Variants in FLNB observed in about 807,000 individuals in gnomAD.
The protein encoded by FLNB is filamin-B.
Under a neutral mutation model 250.6 loss-of-function variants are expected in FLNB, and 111 were observed. The observed-to-expected ratio is 0.44, with a 90% CI of 0.38 to 0.52. FLNB has a LOEUF of 0.52. FLNB is among the 20% of genes least tolerant of loss of function. The pLI, the probability that FLNB is intolerant of heterozygous loss-of-function variation, is 0.00. For synonymous variants in FLNB, 1,302 were observed against 1,372.1 expected (o/e 0.95, Z 1.13); for missense variants, 2,869 against 3,447.8 (o/e 0.83, Z 4.20).
chr3:58,053,598 C>T (rs1285751008), intron 1 of FLNB, among the ~76,000 whole-genome samples: 2 of 152,142 alleles, frequency 1.3e-5, no homozygotes, highest in South Asian at 2.1e-4. Context: ...GTAGCTGGGA[C>T]TACAGACACC....
At chr3:58,039,022 CTTTTTTTTT>C (rs375425626) in intron 1 of FLNB, among the ~76,000 whole-genome samples, 2 of 138,074 alleles carry the variant, frequency 1.4e-5, no homozygotes, top group African/African-American at 5.4e-5. Flanking sequence ...AAGTTAGTTC[CTTTTTTTTT>C]TTTTTTTTAA....
rs754067988 is a variant in FLNB, at chr3:58,102,215, A to G, written c.1358A>G (p.Asn453Ser). ...VVQVGEACNP[N>S]ACRASGRGLQ... is the part of the protein sequence containing the mutation. Reference sequence around the variant, plus strand: ...ACTGTGCTTGCAGCCTGCAATCCAAATGCCTGCCGGGCCAGTGGCCGAGGC... The same window carrying G: ...ACTGTGCTTGCAGCCTGCAATCCAAGTGCCTGCCGGGCCAGTGGCCGAGGC... Residue 453 changes from asparagine to serine, a missense_variant, in exon 9 of 46, where the codon AAT (asparagine) becomes AGT (serine). Around this residue, in one of 5 missense-constraint regions of FLNB, gnomAD observed 1,348 missense variants for 1,466.7 expected, o/e 0.92. Coordinates refer to ENST00000295956, the MANE Select transcript of FLNB (RefSeq NM_001457.4). 9 of 1,614,082 alleles carry G rather than the reference A, an allele frequency of 5.6e-6. No individual in the cohort carries two copies. In the Admixed American group the frequency reaches 1.3e-4, roughly 24 times the overall value.
chr3:58,083,333 A>T (rs1576686340), intron 4 of FLNB, among the ~76,000 whole-genome samples: 1 of 144,158 alleles, frequency 6.9e-6, no homozygotes. Flanking sequence ...GTTCCCTTTG[A>T]ATAAAGTATT....
chr3:58,053,714 G>A (rs1031633893), intron 1 of FLNB, among the ~76,000 whole-genome samples: 13 of 151,992 alleles, frequency 8.6e-5, no homozygotes, highest in South Asian at 2.1e-4. Flanking sequence ...TGCCCGCCTC[G>A]GCCTCCCAAA....
chr3:58,039,196 GAAA>G (rs768670049), intron 1 of FLNB, among the ~76,000 whole-genome samples: 3 of 120,994 alleles, frequency 2.5e-5, no homozygotes, highest in Non-Finnish European at 1.8e-5. Context: ...GTCTCTACAG[GAAA>G]AAAAAAAAAA....
At position 58,124,341 on chromosome 3, in the gene FLNB, G is replaced by A. The variant is rs776611311; in HGVS notation, c.3734G>A (p.Arg1245Gln). 39 of 1,613,952 alleles carry A rather than the reference G, an allele frequency of 2.4e-5. No homozygotes were observed. Among genetic ancestry groups the A allele is most frequent in the South Asian group, 2.3e-4 (21 of 91,062 alleles). The change falls in exon 22 of 46, where the codon CGG becomes CAG. Residue 1245 changes from arginine to glutamine, a missense_variant. Around this residue, in one of 5 missense-constraint regions of FLNB, gnomAD observed 1,348 missense variants for 1,466.7 expected, o/e 0.92. Coordinates refer to ENST00000295956, the MANE Select transcript of FLNB (RefSeq NM_001457.4). ...TGTGCTTGCTCTGCAGATGTGTTCC[G>A]GGAAGCTACCACCGACTTTACAGTT... ...GPGIEGKDVF[R>Q]EATTDFTVDS...
At chr3:58,042,319 C>A (rs1177941809) in intron 1 of FLNB, among the ~76,000 whole-genome samples, 9 of 149,644 alleles carry the variant, frequency 6.0e-5, no homozygotes. Context: ...TATTTATTTA[C>A]CTTTTAGGAG....
At chr3:58,134,368 C>G (rs937348291) in intron 26 of FLNB, among the ~76,000 whole-genome samples, 1 of 152,184 alleles carries the variant, frequency 6.6e-6, no homozygotes, top group East Asian at 1.9e-4. Flanking sequence ...CGAAACCAGT[C>G]CCTAGTGCCA....
rs975617095 is a variant in FLNB, at chr3:58,023,101, C to T, written c.292+14245C>T. On this transcript the variant is annotated intron_variant, in intron 1 of 45. Coordinates refer to ENST00000295956, the MANE Select transcript of FLNB (RefSeq NM_001457.4). Reference sequence around the variant, plus strand: ...AGTGCTGGGATCAGGCTTGAGCCACCGAACTCGGCCTTTTTTTTTTTTTTT... The same window carrying T: ...AGTGCTGGGATCAGGCTTGAGCCACTGAACTCGGCCTTTTTTTTTTTTTTT... Among the ~76,000 whole-genome samples the T allele has an allele frequency of 1.1e-4, 15 of 139,860 alleles. No homozygotes were observed. In the East Asian group the frequency reaches 1.7e-3, roughly 16 times the overall value. 91.8% of individuals were successfully genotyped at this position (139,860 alleles called of 152,430 possible).
chr3:58,106,376 A>C (rs966917806), intron 11 of FLNB, among the ~76,000 whole-genome samples: 14 of 138,818 alleles, frequency 1.0e-4, no homozygotes, highest in South Asian at 7.1e-4. Flanking sequence ...ATATATATAT[A>C]TCCTCCTGGC....
At chr3:58,024,504 G>C (rs1013947570) in intron 1 of FLNB, among the ~76,000 whole-genome samples, 2 of 151,970 alleles carry the variant, frequency 1.3e-5, no homozygotes, top group African/African-American at 4.8e-5. Context: ...GGTCTCTCCA[G>C]ACTAGATGAA....
intron 10 of FLNB, among the ~76,000 whole-genome samples, chr3:58,104,484 G>A (rs1436482300): frequency 6.6e-6 from 1 of 152,234 alleles, no homozygotes; most frequent in Non-Finnish European, 1.5e-5. Flanking sequence ...TGCTGTCAGG[G>A]GCCAAGGGAC....
intron 38 of FLNB, chr3:58,152,829 A>G: frequency 9.8e-7 from 1 of 1,020,616 alleles, no homozygotes; most frequent in Non-Finnish European, 1.3e-6. Context: ...TCACCACGGC[A>G]GTGCAGGCAC....
intron 4 of FLNB, among the ~76,000 whole-genome samples, chr3:58,086,086 T>G (rs9813817): frequency 0.015 from 2,331 of 152,124 alleles, 74 homozygotes; most frequent in African/African-American, 0.053. Flanking sequence ...GCCTTGACCT[T>G]CTGGGCTCAA....
In FLNB at chr3:58,130,813, G is replaced by C. The variant is rs200297468; in HGVS notation, c.4295G>C (p.Gly1432Ala). Residue 1432 changes from glycine to alanine, a missense_variant, in exon 25 of 46, where the codon GGC becomes GCC. Gly to Ala is a moderately conservative substitution (Grantham distance 60). This residue lies in a region of FLNB where 1,348 missense variants were observed against 1,466.7 expected (regional missense o/e 0.92). Coordinates refer to ENST00000295956, the MANE Select transcript of FLNB (RefSeq NM_001457.4). ...GTCAAGATTGCCGGCCCCGGGCTGG[G>C]CTCAGGCGTCCGAGCCCGTGTCCTG... is the stretch of plus-strand genomic sequence containing the variant. ...SKVKIAGPGL[G>A]SGVRARVLQS... is the part of the protein sequence containing the mutation. 6.0e-5 allele frequency: 97 copies of C among 1,613,768 alleles called. No individual in the cohort carries two copies. Among genetic ancestry groups the C allele is most frequent in the Non-Finnish European group, 7.5e-5 (88 of 1,179,952 alleles).
intron 6 of FLNB, among the ~76,000 whole-genome samples, chr3:58,097,282 A>G (rs1195959645): frequency 1.3e-5 from 2 of 152,166 alleles, no homozygotes; most frequent in Non-Finnish European, 2.9e-5. Flanking sequence ...AATGTAATTA[A>G]TTAATTCCAG....
At position 58,169,434 on chromosome 3, in the gene FLNB, A is replaced by G. The variant is rs2097377275; in HGVS notation, c.7418-156A>G. 3 of 692,598 alleles carry G rather than the reference A, an allele frequency of 4.3e-6. No homozygotes were observed. The South Asian group carries it at 4.5e-5, about 10-fold the overall frequency. The allele number at this position is 692,598 out of a possible 1,614,324, so 42.9% of individuals were successfully genotyped here. A position where few individuals can be genotyped will look rare whatever the true frequency, so the allele number is the denominator to read the frequency against. On this transcript the variant is annotated intron_variant, in intron 44 of 45. Coordinates refer to ENST00000295956, the MANE Select transcript of FLNB (RefSeq NM_001457.4). This position sits in a 1 kb window ranked among gnomAD's most constrained non-coding sequence, Gnocchi z 4.8. ...GGGGGTGGGATCCTAGGGGTTTAGA[A>G]GACATTATGGGTGTGAGATACAGGT...
chr3:58,085,945 C>T (rs769319754), intron 4 of FLNB, among the ~76,000 whole-genome samples: 2 of 152,092 alleles, frequency 1.3e-5, no homozygotes, highest in African/African-American at 4.8e-5. Context: ...TGGAGTCACA[C>T]GAAGTGGAAC....
At chr3:58,076,843 C>T (rs1454969226) in intron 1 of FLNB, among the ~76,000 whole-genome samples, 4 of 152,132 alleles carry the variant, frequency 2.6e-5, no homozygotes, top group African/African-American at 9.7e-5. Context: ...CCAGTGACAT[C>T]CGTTAATGGC....
Sources: allele counts gnomAD v4.1 joint callset (sites outside exome capture counted in the v4.1 genomes callset), GRCh38; gene constraint gnomAD v4.1.1; regional missense constraint gnomAD v4.1.1; non-coding constraint Gnocchi (gnomAD v3.1); transcripts MANE v1.5; gene names NCBI Gene and HGNC (gene_info 2026-07-23, HGNC 2026-07-21).